Variants in GTF2A1L observed in about 807,000 individuals in gnomAD.
The protein encoded by GTF2A1L is general transcription factor IIA subunit 1 like.
Under a neutral mutation model 49.7 loss-of-function variants are expected in GTF2A1L, and 48 were observed. The ratio of observed to expected loss-of-function variants is 0.97; its 90% CI spans 0.77 to 1.23. The LOEUF is 1.23. GTF2A1L is among the 50% of genes most tolerant of loss of function. The pLI, the probability that GTF2A1L is intolerant of heterozygous loss-of-function variation, is 0.00. For synonymous variants in GTF2A1L, 246 were observed against 193.5 expected (o/e 1.27, Z -2.25); for missense variants, 736 against 564.8 (o/e 1.30, Z -3.07).
At chr2:48,628,022 C>T (rs1438567192) in intron 3 of GTF2A1L, among the ~76,000 whole-genome samples, 1 of 143,972 alleles carries the variant, frequency 6.9e-6, no homozygotes. Flanking sequence ...TACCAGCCTC[C>T]AGCAGCATTC....
intron 6 of GTF2A1L, among the ~76,000 whole-genome samples, chr2:48,654,864 A>T (rs1039867488): frequency 2.0e-5 from 3 of 152,190 alleles, no homozygotes; most frequent in African/African-American, 7.2e-5. Context: ...TCATTAATTC[A>T]TGTGACTATC....
At chr2:48,656,348 GTTTTTTTTTTT>G (rs367837291) in intron 6 of GTF2A1L, among the ~76,000 whole-genome samples, 4 of 114,558 alleles carry the variant, frequency 3.5e-5, no homozygotes, top group African/African-American at 1.4e-4. Context: ...CTTATTTTCT[GTTTTTTTTTTT>G]TTTTTTTTTT....
At chr2:48,635,237 C>T (rs1268950848) in intron 3 of GTF2A1L, among the ~76,000 whole-genome samples, 2 of 151,954 alleles carry the variant, frequency 1.3e-5, no homozygotes, top group African/African-American at 4.8e-5. Flanking sequence ...GAGAGGGCCC[C>T]CTTGCACCAG....
intron 4 of GTF2A1L, among the ~76,000 whole-genome samples, chr2:48,643,366 G>GT (rs969132265): frequency 2.0e-4 from 31 of 152,186 alleles, no homozygotes; most frequent in Admixed American, 2.0e-3. Context: ...TCTACTAACT[G>GT]TTTTTTAATT....
intron 3 of GTF2A1L, among the ~76,000 whole-genome samples, chr2:48,627,946 A>G (rs1395650467): frequency 7.0e-6 from 1 of 143,760 alleles, no homozygotes; most frequent in Non-Finnish European, 1.6e-5. Context: ...CTCAATGTTT[A>G]GCTTCTATTT....
chr2:48,676,809 ATATATC>A (rs570291396), intron 8 of GTF2A1L, among the ~76,000 whole-genome samples: 121 of 151,590 alleles, frequency 8.0e-4, no homozygotes, highest in Middle Eastern at 3.4e-3. Context: ...ATATATATCT[ATATATC>A]TATATCTATA....
chr2:48,636,881 C>T (rs914437950), intron 3 of GTF2A1L, among the ~76,000 whole-genome samples: 5 of 151,984 alleles, frequency 3.3e-5, no homozygotes, highest in African/African-American at 1.2e-4. Flanking sequence ...TTCAAGTCAG[C>T]TTCTGTATTT....
chr2:48,625,379 A>G, intron 3 of GTF2A1L, among the ~76,000 whole-genome samples: 1 of 143,982 alleles, frequency 6.9e-6, no homozygotes. Context: ...AGATCTATTC[A>G]AGTCCTTTGC....
At chr2:48,651,653 G>C (rs2104225283) in intron 6 of GTF2A1L, among the ~76,000 whole-genome samples, 1 of 152,156 alleles carries the variant, frequency 6.6e-6, no homozygotes, top group South Asian at 2.1e-4. Context: ...CTCATCTGCT[G>C]ACATAAAACT....
intron 5 of GTF2A1L, among the ~76,000 whole-genome samples, chr2:48,645,656 T>G (rs1280906708): frequency 1.3e-5 from 2 of 152,144 alleles, no homozygotes; most frequent in Non-Finnish European, 2.9e-5. Context: ...CAAAAATAAG[T>G]CCTTTTTTTT....
At chr2:48,654,892 C>G (rs1264049212) in intron 6 of GTF2A1L, among the ~76,000 whole-genome samples, 1 of 152,170 alleles carries the variant, frequency 6.6e-6, no homozygotes, top group Non-Finnish European at 1.5e-5. Flanking sequence ...TAGGACCACA[C>G]TGTCTTGATT....
At chr2:48,665,038 C>T (rs1048395867) in intron 6 of GTF2A1L, among the ~76,000 whole-genome samples, 5 of 152,106 alleles carry the variant, frequency 3.3e-5, no homozygotes, top group Admixed American at 3.3e-4. Flanking sequence ...TCTCGTGCCT[C>T]AGCCTCCCGA....
At chr2:48,618,250 C>T (rs1254900831) in intron 1 of GTF2A1L, 3 of 274,094 alleles carry the variant, frequency 1.1e-5, no homozygotes, top group Non-Finnish European at 2.1e-5. Context: ...TTACCGTGGA[C>T]ATTGTTAATT....
chr2:48,631,831 A>T (rs1676595889), intron 3 of GTF2A1L, among the ~76,000 whole-genome samples: 2 of 152,132 alleles, frequency 1.3e-5, no homozygotes, highest in South Asian at 2.1e-4. Context: ...CTTTTGCTTC[A>T]TCTCAGAGAT....
At chr2:48,654,358 A>C (rs1315530696) in intron 6 of GTF2A1L, among the ~76,000 whole-genome samples, 2 of 151,994 alleles carry the variant, frequency 1.3e-5, no homozygotes, top group Non-Finnish European at 2.9e-5. Context: ...CCTGTGATCT[A>C]TTCTGGGCTA....
Position 48,624,459 on chromosome 2 carries a change from T to TATAGATAGATAGATAGATAG in GTF2A1L, c.247+3178_247+3197dup, listed in dbSNP as rs3077611. Among the ~76,000 whole-genome samples the TATAGATAGATAGATAGATAG allele has an allele frequency of 2.0e-3, 280 of 138,770 alleles. 11 individuals carry two copies. Among genetic ancestry groups the TATAGATAGATAGATAGATAG allele is most frequent in the African/African-American group, 6.7e-3 (265 of 39,702 alleles). The allele number at this position is 138,770 out of a possible 152,430, so 91.0% of individuals were successfully genotyped here. A position where few individuals can be genotyped will look rare whatever the true frequency, so the allele number is the denominator to read the frequency against. On this transcript the variant is annotated intron_variant, in intron 3 of 8. Transcript: ENST00000403751. Reference sequence around the variant, plus strand: ...TAAGGTGTTCACCATAGTGCTTTGATATAGATAGATAGATAGATAGATAGA... The same window carrying TATAGATAGATAGATAGATAG: ...TAAGGTGTTCACCATAGTGCTTTGATATAGATAGATAGATAGATAGATAGATAGATAGATAGATAGATAGA...
chr2:48,662,533 G>C (rs1028105725), intron 6 of GTF2A1L, among the ~76,000 whole-genome samples: 1 of 152,002 alleles, frequency 6.6e-6, no homozygotes, highest in African/African-American at 2.4e-5. Flanking sequence ...TTATTCAAGG[G>C]GATCCATGGC....
At chr2:48,635,455 G>A (rs1676834270) in intron 3 of GTF2A1L, among the ~76,000 whole-genome samples, 1 of 151,916 alleles carries the variant, frequency 6.6e-6, no homozygotes. Flanking sequence ...TGGAGCAGAG[G>A]GGACCCCACT....
Position 48,640,505 on chromosome 2 carries a change from A to C in GTF2A1L, c.248-1897A>C, listed in dbSNP as rs1572719837. Among the ~76,000 whole-genome samples, 3 of 151,970 alleles carry C rather than the reference A, an allele frequency of 2.0e-5. No individual in the cohort carries two copies. The East Asian group carries it at 5.8e-4, about 29-fold the overall frequency. ...GATGAGAACTCATGAACACAAGGAAACAACAGACACTGGGTCTACTTAAGG... is the reference window on the plus strand; with the variant it reads ...GATGAGAACTCATGAACACAAGGAACCAACAGACACTGGGTCTACTTAAGG... On this transcript the variant is annotated intron_variant, in intron 3 of 8. Transcript: ENST00000403751.
Sources: allele counts gnomAD v4.1 joint callset (sites outside exome capture counted in the v4.1 genomes callset), GRCh38; gene constraint gnomAD v4.1.1; transcripts MANE v1.5; gene names NCBI Gene and HGNC (gene_info 2026-07-23, HGNC 2026-07-21).